TMEM37: variants seen among roughly 807,000 people sequenced by gnomAD.
The protein encoded by TMEM37 is transmembrane protein 37.
In TMEM37, 12 loss-of-function variants were observed where a neutral mutation model predicts 11.0. The ratio of observed to expected loss-of-function variants is 1.09; its 90% CI spans 0.70 to 1.76. The LOEUF (loss-of-function observed/expected upper bound fraction) is 1.76, where lower values mean the gene tolerates loss of function less well. Among genes scored for constraint, TMEM37 ranks in the 40% most tolerant of loss-of-function variants. TMEM37 has a pLI of 0.00. For synonymous variants in TMEM37, 127 were observed against 110.5 expected (o/e 1.15, Z -0.94); for missense variants, 203 against 251.2 (o/e 0.81, Z 1.30).
Position 119,437,151 on chromosome 2 carries a change from G to T in TMEM37, c.284G>T (p.Gly95Val). 1 of 1,614,254 alleles carries T rather than the reference G, an allele frequency of 6.2e-7. No individual in the cohort carries two copies. The highest frequency in any genetic ancestry group is 1.3e-5 in the African/African-American group (1 of 75,070). Residue 95 changes from glycine to valine, a missense_variant, in exon 2 of 2, where the codon GGC becomes GTC. Coordinates refer to ENST00000306406, the MANE Select transcript of TMEM37 (RefSeq NM_183240.3). ...AVGMGLVRSVGALAVVAAIFG... is the reference protein window; with the variant it reads ...AVGMGLVRSVVALAVVAAIFG... ...GGCATGGGCCTGGTACGCAGCGTGG[G>T]CGCCTTGGCCGTGGTGGCCGCCATT...
At position 119,436,837 on chromosome 2, in the gene TMEM37, G is replaced by T; in HGVS notation, c.22-52G>T. The T allele has an allele frequency of 2.1e-6, 3 of 1,461,630 alleles. No individual in the cohort carries two copies. In the South Asian group the frequency reaches 3.8e-5, roughly 18 times the overall value. The allele number at this position is 1,461,630 out of a possible 1,614,324, so 90.5% of individuals were successfully genotyped here. On this transcript the variant is annotated intron_variant, in intron 1 of 1. Transcript: ENST00000306406. ...AGGGGTCTTCCCTGCAGAGGTTCCT[G>T]GGGGCGTGGCAGGGCTGTGGCTGAC...
intron 1 of TMEM37, among the ~76,000 whole-genome samples, chr2:119,434,614 C>T (rs908254422): frequency 6.6e-6 from 1 of 152,186 alleles, no homozygotes; most frequent in African/African-American, 2.4e-5. Flanking sequence ...CCACCAGGAG[C>T]ATGGGGACAC....
upstream of TMEM37, chr2:119,429,929 G>T: frequency 6.4e-7 from 1 of 1,550,524 alleles, no homozygotes; most frequent in Non-Finnish European, 8.7e-7. Context: ...GGGTGCAGAT[G>T]ACCCGACCTG....
intron 1 of TMEM37, 155 bp downstream of exon 1, chr2:119,432,079 G>C (rs1682411723): frequency 2.8e-5 from 13 of 460,752 alleles, no homozygotes; most frequent in Non-Finnish European, 4.5e-5. Flanking sequence ...TGCAAACCTG[G>C]GTCCGGAGGA....
chr2:119,438,151 C>G lies in TMEM37; in HGVS notation c.*711C>G, dbSNP rs1682544406. On this transcript the variant is annotated 3_prime_UTR_variant, in exon 2 of 2. Coordinates refer to ENST00000306406, the MANE Select transcript of TMEM37 (RefSeq NM_183240.3). ...CTCTGGGAGCTCTGCCTATCAGAAC[C>G]CTACCTTAAGGTGGGTTTCCTTCCG... 2 of 152,236 alleles carry G rather than the reference C, an allele frequency of 1.3e-5. No individual in the cohort carries two copies. The highest frequency in any genetic ancestry group is 2.9e-5 in the Non-Finnish European group (2 of 68,048). The allele number at this position is 152,236 out of a possible 1,614,324, so 9.4% of individuals were successfully genotyped here. A position where few individuals can be genotyped will look rare whatever the true frequency, so the allele number is the denominator to read the frequency against.
At chr2:119,432,565 C>T (rs971673005) in intron 1 of TMEM37, among the ~76,000 whole-genome samples, 4 of 152,168 alleles carry the variant, frequency 2.6e-5, no homozygotes, top group Non-Finnish European at 4.4e-5. Context: ...AGAACCTACA[C>T]ATTCCTACCC....
At chr2:119,434,292 G>A (rs528752559) in intron 1 of TMEM37, among the ~76,000 whole-genome samples, 1 of 152,242 alleles carries the variant, frequency 6.6e-6, no homozygotes, top group South Asian at 2.1e-4. Flanking sequence ...CTTGCCAGGT[G>A]CCTTCATGGC....
rs1050194840 is a variant in TMEM37, at chr2:119,437,703, G to T, written c.*263G>T. 3.9e-6 allele frequency: 2 copies of T among 509,844 alleles called. No individual in the cohort carries two copies. Among genetic ancestry groups the T allele is most frequent in the African/African-American group, 1.9e-5 (1 of 51,452 alleles). 31.6% of individuals were successfully genotyped at this position (509,844 alleles called of 1,614,324 possible). On this transcript the variant is annotated 3_prime_UTR_variant, in exon 2 of 2. Transcript: ENST00000306406. ...TAGCCAGATGTTGATTTTAGAGGAAGAAAAAAACATTTTAAAACTCCTTCT... is the reference window on the plus strand; with the variant it reads ...TAGCCAGATGTTGATTTTAGAGGAATAAAAAAACATTTTAAAACTCCTTCT...
upstream of TMEM37, chr2:119,431,815 GC>G (rs1682400719): frequency 2.1e-6 from 2 of 943,638 alleles, no homozygotes; most frequent in Non-Finnish European, 2.7e-6. Context: ...CAGCCGCCCC[GC>G]CCCTGCGGAG....
chr2:119,430,048 A>G, upstream of TMEM37: 2 of 1,352,476 alleles, frequency 1.5e-6, no homozygotes, highest in Admixed American at 4.0e-5. Context: ...GGCTCAGTGA[A>G]AGGATACCCC....
chr2:119,437,199 T>A lies in TMEM37; in HGVS notation c.332T>A (p.Val111Glu). The A allele has an allele frequency of 6.2e-7, 1 of 1,614,254 alleles. No homozygotes were observed. Among genetic ancestry groups the A allele is most frequent in the Non-Finnish European group, 8.5e-7 (1 of 1,180,048 alleles). The change falls in exon 2 of 2, where the codon GTG becomes GAG. Residue 111 changes from valine (V) to glutamate (E), a missense_variant. Physicochemically the swap from Val to Glu is moderately radical, Grantham distance 121. Coordinates refer to ENST00000306406, the MANE Select transcript of TMEM37 (RefSeq NM_183240.3). ...AAIFGLEFLM[V>E]SQLCEDKHSQ... ...ATTTTTGGCCTGGAGTTCCTCATGG[T>A]GTCCCAGTTGTGCGAGGACAAACAC...
intron 1 of TMEM37, among the ~76,000 whole-genome samples, chr2:119,434,457 A>AT (rs112573313): frequency 0.012 from 1,703 of 144,670 alleles, 25 homozygotes; most frequent in African/African-American, 0.031. Flanking sequence ...TTACCGGTAG[A>AT]TTTTTTTTTT....
chr2:119,436,838 G>C (rs752882492), intron 1 of TMEM37, 51 bp from the exon 2 acceptor site: 1 of 1,470,134 alleles, frequency 6.8e-7, no homozygotes. Context: ...GAGGTTCCTG[G>C]GGGCGTGGCA....
chr2:119,437,458 C>T lies in TMEM37; in HGVS notation c.*18C>T, dbSNP rs1682525405. On this transcript the variant is annotated 3_prime_UTR_variant, in exon 2 of 2. Coordinates refer to ENST00000306406, the MANE Select transcript of TMEM37 (RefSeq NM_183240.3). ...GGGAATGACCGTGGAAATTTTAGGC[C>T]CCCTCCAGGGACATCAGATTCCACA... 1.9e-6 allele frequency: 3 copies of T among 1,605,232 alleles called. No individual in the cohort carries two copies. The highest frequency in any genetic ancestry group is 2.6e-6 in the Non-Finnish European group (3 of 1,175,226).
chr2:119,431,522 T>G (rs1682393097), upstream of TMEM37, among the ~76,000 whole-genome samples: 4 of 152,196 alleles, frequency 2.6e-5, no homozygotes, highest in South Asian at 6.2e-4. Flanking sequence ...AATCGAACCC[T>G]CAGGCCCTCG....
chr2:119,433,514 A>C (rs1175336719), intron 1 of TMEM37, among the ~76,000 whole-genome samples: 3 of 151,992 alleles, frequency 2.0e-5, no homozygotes, highest in Non-Finnish European at 4.4e-5. Context: ...GGAGGAGCTT[A>C]ATTTGTCTAC....
At chr2:119,431,962 G>A in intron 1 of TMEM37, 38 bp downstream of exon 1, 1 of 1,197,268 alleles carries the variant, frequency 8.4e-7, no homozygotes, top group Non-Finnish European at 1.0e-6. Context: ...CCGGGGTGCT[G>A]CCCCGCCGTG....
chr2:119,432,336 A>G, intron 1 of TMEM37: 1 of 167,830 alleles, frequency 6.0e-6, no homozygotes. Context: ...AGTGAGGCTT[A>G]TGTAACAGAG....
chr2:119,437,236 G>A lies in TMEM37; in HGVS notation c.369G>A (p.Lys123=). The change falls in exon 2 of 2, where the codon AAG becomes AAA. Residue 123 remains lysine (K), a synonymous_variant. Coordinates refer to ENST00000306406, the MANE Select transcript of TMEM37 (RefSeq NM_183240.3). ...GCGAGGACAAACACTCACAGTGCAA[G>A]TGGGTCATGGGTTCCATCCTCCTCC... ...QLCEDKHSQC[K]WVMGSILLLV... is the part of the protein sequence containing the mutation. The A allele has an allele frequency of 1.2e-6, 2 of 1,614,270 alleles. No homozygotes were observed. The highest frequency in any genetic ancestry group is 8.5e-7 in the Non-Finnish European group (1 of 1,180,060).
Sources: gnomAD v4.1 joint callset for allele counts (sites outside exome capture counted in the v4.1 genomes callset) on GRCh38, gnomAD v4.1.1 for gene constraint, MANE v1.5 for transcripts, NCBI Gene and HGNC (gene_info 2026-07-23, HGNC 2026-07-21) for gene names.